Variants in FSTL4 observed in about 807,000 individuals in gnomAD.
The protein encoded by FSTL4 is follistatin like 4, also known as follistatin-related protein 4.
In FSTL4, 28 loss-of-function variants were observed where a neutral mutation model predicts 78.2. The observed-to-expected ratio is 0.36, with a 90% CI of 0.27 to 0.49. The LOEUF is 0.49. FSTL4 is among the 20% of genes least tolerant of loss of function. The pLI is 0.98. For missense variants in FSTL4, 922 were observed against 1,084.9 expected (o/e 0.85, Z 2.11); for synonymous variants, 422 against 440.5 (o/e 0.96, Z 0.53).
chr5:133,235,827 T>C (rs1417936198), intron 7 of FSTL4, among the ~76,000 whole-genome samples: 3 of 152,202 alleles, frequency 2.0e-5, no homozygotes, highest in African/African-American at 7.2e-5. Context: ...AAAAGGTTCA[T>C]ATCTAAGTTG....
At chr5:133,511,547 C>T (rs981990403) in intron 3 of FSTL4, among the ~76,000 whole-genome samples, 1 of 152,156 alleles carries the variant, frequency 6.6e-6, no homozygotes, top group Non-Finnish European at 1.5e-5. Flanking sequence ...ACACGTGACC[C>T]AAAGGCTGCA....
intron 3 of FSTL4, among the ~76,000 whole-genome samples, chr5:133,420,890 G>C (rs549521470): frequency 6.6e-6 from 1 of 152,348 alleles, no homozygotes; most frequent in South Asian, 2.1e-4. Context: ...TGTTCTATAC[G>C]AGAAGGGTGA....
the FSTL4 span, among the ~76,000 whole-genome samples, chr5:133,637,461 A>G: frequency 6.6e-6 from 1 of 152,166 alleles, no homozygotes; most frequent in Admixed American, 6.5e-5. Context: ...TGCATAGAAT[A>G]AAATAGAAAA....
intron 3 of FSTL4, among the ~76,000 whole-genome samples, chr5:133,529,199 A>G (rs1759199666): frequency 6.6e-6 from 1 of 152,220 alleles, no homozygotes; most frequent in African/African-American, 2.4e-5. Flanking sequence ...CATGGAGACT[A>G]TTTGTTATTG....
At chr5:133,474,524 T>C (rs1757889283) in intron 3 of FSTL4, among the ~76,000 whole-genome samples, 1 of 152,180 alleles carries the variant, frequency 6.6e-6, no homozygotes, top group Non-Finnish European at 1.5e-5. Flanking sequence ...TCTGTAGCTG[T>C]CATTAAAGGC....
chr5:133,821,664 G>A, the FSTL4 span, among the ~76,000 whole-genome samples: 2 of 152,096 alleles, frequency 1.3e-5, no homozygotes, highest in Non-Finnish European at 2.9e-5. Flanking sequence ...CAGGGAAGAG[G>A]GCACTGTGGA....
intron 4 of FSTL4, among the ~76,000 whole-genome samples, chr5:133,399,850 G>A (rs1005189138): frequency 1.3e-5 from 2 of 152,214 alleles, no homozygotes; most frequent in African/African-American, 4.8e-5. Flanking sequence ...CCTGCAAGCT[G>A]CTTCTGTCTT....
chr5:133,700,580 T>C, the FSTL4 span, among the ~76,000 whole-genome samples: 11 of 152,240 alleles, frequency 7.2e-5, no homozygotes, highest in Non-Finnish European at 1.2e-4. Context: ...AGGGCACAGA[T>C]GTATCACTGT....
the FSTL4 span, among the ~76,000 whole-genome samples, chr5:133,621,356 T>C: frequency 6.6e-6 from 1 of 152,092 alleles, no homozygotes; most frequent in Non-Finnish European, 1.5e-5. Flanking sequence ...GCCGAGATCA[T>C]GCCCCTGCAC....
At chr5:133,444,617 T>TG (rs1449207603) in intron 3 of FSTL4, among the ~76,000 whole-genome samples, 3 of 152,228 alleles carry the variant, frequency 2.0e-5, no homozygotes, top group African/African-American at 7.2e-5. Flanking sequence ...CTTGAGCTGC[T>TG]GGGCCCTGGC....
At chr5:133,610,945 G>A (rs996634122) in intron 1 of FSTL4, among the ~76,000 whole-genome samples, 3 of 151,914 alleles carry the variant, frequency 2.0e-5, no homozygotes, top group Admixed American at 6.6e-5. Flanking sequence ...TTCTGTTTAC[G>A]TTTGGCCCAG....
intron 4 of FSTL4, among the ~76,000 whole-genome samples, chr5:133,396,033 G>A (rs1756034041): frequency 6.6e-6 from 1 of 152,158 alleles, no homozygotes; most frequent in Non-Finnish European, 1.5e-5. Flanking sequence ...TGATCAACTG[G>A]AGGTCAAATT....
chr5:133,267,597 C>T (rs1365734273), intron 6 of FSTL4, among the ~76,000 whole-genome samples: 1 of 152,030 alleles, frequency 6.6e-6, no homozygotes, highest in Non-Finnish European at 1.5e-5. Context: ...CCTGGGGTGC[C>T]CTTGCTAAAG....
chr5:133,817,374 A>G, the FSTL4 span, among the ~76,000 whole-genome samples: 1 of 152,214 alleles, frequency 6.6e-6, no homozygotes, highest in South Asian at 2.1e-4. Context: ...AAGCCATTCT[A>G]GGTCCTTCAA....
the FSTL4 span, among the ~76,000 whole-genome samples, chr5:133,771,481 C>T: frequency 6.6e-6 from 1 of 151,792 alleles, no homozygotes. Flanking sequence ...GTTGTTGTTG[C>T]TGTTGTAGCT....
the FSTL4 span, among the ~76,000 whole-genome samples, chr5:133,828,230 G>T: frequency 6.6e-6 from 1 of 152,182 alleles, no homozygotes; most frequent in Non-Finnish European, 1.5e-5. Flanking sequence ...AGACACCAGG[G>T]CTGGGAAGGG....
chr5:133,325,646 G>T (rs1366678007), intron 4 of FSTL4, among the ~76,000 whole-genome samples: 21 of 152,102 alleles, frequency 1.4e-4, no homozygotes, highest in Non-Finnish European at 1.2e-4. Flanking sequence ...ATGGGGTGAG[G>T]ATCTCTCTTC....
chr5:133,199,948 A>C lies in FSTL4; in HGVS notation c.1827-151T>G, dbSNP rs1346262758. On this transcript the variant is annotated intron_variant, in intron 15 of 15. Coordinates refer to ENST00000265342, the MANE Select transcript of FSTL4 (RefSeq NM_015082.2). The surrounding 1 kb of genome is among the most constrained non-coding windows in gnomAD (Gnocchi z 4.4). ...AATAAGATCTATCATTCTGCAGGGGATGTCTTCATAAACAAATAATCTATG... is the reference window on the plus strand; with the variant it reads ...AATAAGATCTATCATTCTGCAGGGGCTGTCTTCATAAACAAATAATCTATG... The C allele has an allele frequency of 1.7e-6, 1 of 595,506 alleles. No homozygotes were observed. The highest frequency in any genetic ancestry group is 4.3e-4 in the Middle Eastern group (1 of 2,312). The allele number at this position is 595,506 out of a possible 1,614,324, so 36.9% of individuals were successfully genotyped here. A position where few individuals can be genotyped will look rare whatever the true frequency, so the allele number is the denominator to read the frequency against.
intron 4 of FSTL4, among the ~76,000 whole-genome samples, chr5:133,382,848 A>G (rs990836498): frequency 1.3e-5 from 2 of 152,122 alleles, no homozygotes; most frequent in African/African-American, 4.8e-5. Context: ...CCTCACAGGG[A>G]GGGCACGGAA....
Sources: allele counts gnomAD v4.1 joint callset (sites outside exome capture counted in the v4.1 genomes callset), GRCh38; gene constraint gnomAD v4.1.1; non-coding constraint Gnocchi (gnomAD v3.1); transcripts MANE v1.5; gene names NCBI Gene and HGNC (gene_info 2026-07-23, HGNC 2026-07-21).